The following DNAH12 variants were observed in gnomAD, a reference collection of about 807,000 sequenced individuals.
The protein encoded by DNAH12 is dynein axonemal heavy chain 12.
Under a neutral mutation model 371.5 loss-of-function variants are expected in DNAH12, and 285 were observed. The ratio of observed to expected loss-of-function variants is 0.77; its 90% CI spans 0.70 to 0.85. DNAH12 has a LOEUF of 0.85. Ranked by LOEUF, DNAH12 falls within the 40% of genes least tolerant of loss-of-function variation. The probability of loss-of-function intolerance (pLI) is 0.00; values close to 1 mark genes in which losing one functional copy is unlikely to be tolerated. For synonymous variants in DNAH12, 1,200 were observed against 1,213.0 expected, an observed-to-expected ratio of 0.99 and a Z score of 0.22; for missense variants, 3,611 against 3,689.4, an observed-to-expected ratio of 0.98 and a Z score of 0.55.
chr3:57,369,714 A>G (rs1398365339), intron 55 of DNAH12, among the ~76,000 whole-genome samples: 2 of 152,186 alleles, frequency 1.3e-5, no homozygotes, highest in Non-Finnish European at 2.9e-5. Context: ...AAATGCTTTT[A>G]GTACCTTTCA....
At chr3:57,371,346 G>T (rs1173867660) in intron 55 of DNAH12, among the ~76,000 whole-genome samples, 4 of 151,952 alleles carry the variant, frequency 2.6e-5, no homozygotes, top group Non-Finnish European at 5.9e-5. Flanking sequence ...TATACTCACA[G>T]TATTCATTTC....
chr3:57,404,664 G>A (rs9820030), intron 42 of DNAH12, among the ~76,000 whole-genome samples: 47,957 of 151,852 alleles, frequency 0.32, 8,306 homozygotes, highest in South Asian at 0.43. Flanking sequence ...AGGTTGCAGC[G>A]AGCTGAGATA....
intron 25 of DNAH12, among the ~76,000 whole-genome samples, chr3:57,448,984 C>T (rs1422877582): frequency 1.7e-5 from 2 of 116,068 alleles, no homozygotes; most frequent in Non-Finnish European, 3.6e-5. Flanking sequence ...CCCACCAGAG[C>T]AGCTAGATAC....
intron 57 of DNAH12, among the ~76,000 whole-genome samples, chr3:57,365,640 A>T (rs1398564975): frequency 3.9e-5 from 6 of 152,190 alleles, no homozygotes; most frequent in Non-Finnish European, 8.8e-5. Flanking sequence ...TATAAAGTAT[A>T]AAGAAAACAA....
intron 62 of DNAH12, among the ~76,000 whole-genome samples, chr3:57,333,177 G>GT (rs2062142564): frequency 6.6e-6 from 1 of 151,868 alleles, no homozygotes; most frequent in Non-Finnish European, 1.5e-5. Flanking sequence ...TTGGCTCACT[G>GT]CAACCTCTGC....
chr3:57,463,514 T>C (rs978569011), intron 17 of DNAH12, among the ~76,000 whole-genome samples: 1 of 152,088 alleles, frequency 6.6e-6, no homozygotes. Context: ...TTTATTTTTA[T>C]ATGAGTCATG....
Position 57,457,906 on chromosome 3 carries a change from T to C in DNAH12, c.3151A>G (p.Ile1051Val). The C allele has an allele frequency of 6.4e-7, 1 of 1,551,660 alleles. No individual in the cohort carries two copies. The highest frequency in any genetic ancestry group is 8.7e-7 in the Non-Finnish European group (1 of 1,146,968). ...QPHLKKCFEG[I>V]AKLEFLPNLD... Reference sequence around the variant, plus strand: ...TTGGGAAGGAACTCTAATTTAGCAATGCCCTCAAAGCATTTTTTTAAATGT... The same window carrying C: ...TTGGGAAGGAACTCTAATTTAGCAACGCCCTCAAAGCATTTTTTTAAATGT... The change falls in exon 22 of 74, where the codon ATT (isoleucine) becomes GTT (valine). Residue 1051 changes from isoleucine to valine, a missense_variant. Around this residue, in one of 3 missense-constraint regions of DNAH12, gnomAD observed 1,314 missense variants for 1,398.7 expected, o/e 0.94. Coordinates refer to ENST00000495027, the MANE Select transcript of DNAH12 (RefSeq NM_001366028.2).
In DNAH12 at chr3:57,446,215, C is replaced by T; in HGVS notation, c.3995G>A (p.Arg1332Gln). 6.4e-7 allele frequency: 1 copy of T among 1,551,766 alleles called. No individual in the cohort carries two copies. Among genetic ancestry groups the T allele is most frequent in the Non-Finnish European group, 8.7e-7 (1 of 1,147,016 alleles). ...GAWACFDEFNRIELEVLSVVA... is the reference protein window; with the variant it reads ...GAWACFDEFNQIELEVLSVVA... Reference sequence around the variant, plus strand: ...CACTGACAACACTTCCAACTCAATTCGATTGAATTCATCAAAGCAAGCCCA... The same window carrying T: ...CACTGACAACACTTCCAACTCAATTTGATTGAATTCATCAAAGCAAGCCCA... The change falls in exon 27 of 74, where the codon CGA becomes CAA. Residue 1332 changes from arginine to glutamine, a missense_variant. Physicochemically the swap from Arg to Gln is conservative, Grantham distance 43 (BLOSUM62 1). Coordinates refer to ENST00000495027, the MANE Select transcript of DNAH12 (RefSeq NM_001366028.2).
intron 33 of DNAH12, 99 bp from the exon 34 acceptor site, chr3:57,428,920 A>G (rs2064868026): frequency 8.2e-6 from 10 of 1,225,618 alleles, no homozygotes; most frequent in Non-Finnish European, 1.1e-6. Flanking sequence ...ATCCTTTATA[A>G]TCTAGCTCCC....
chr3:57,454,951 A>G, intron 22 of DNAH12, 57 bp from the exon 23 acceptor site: 1 of 1,514,012 alleles, frequency 6.6e-7, no homozygotes, highest in Non-Finnish European at 8.9e-7. Flanking sequence ...AAAATAGCTA[A>G]ATGTCTAACA....
At chr3:57,355,166 T>A (rs2062769479) in intron 59 of DNAH12, among the ~76,000 whole-genome samples, 1 of 151,914 alleles carries the variant, frequency 6.6e-6, no homozygotes. Context: ...TTCTCATAAT[T>A]GCATGTGAAT....
intron 69 of DNAH12, among the ~76,000 whole-genome samples, chr3:57,304,660 C>G (rs1192348116): frequency 6.6e-6 from 1 of 152,174 alleles, no homozygotes; most frequent in Non-Finnish European, 1.5e-5. Context: ...ATTATTCACC[C>G]ACGTTTCAGA....
intron 11 of DNAH12, among the ~76,000 whole-genome samples, chr3:57,495,910 T>C (rs1173003720): frequency 5.7e-5 from 8 of 141,412 alleles, no homozygotes; most frequent in Admixed American, 5.6e-4. Flanking sequence ...ATTTTATAAA[T>C]ATATTTCTAT....
At chr3:57,404,862 C>CA (rs2063977429) in intron 42 of DNAH12, 107 bp downstream of exon 42, 3 of 1,034,156 alleles carry the variant, frequency 2.9e-6, no homozygotes, top group East Asian at 3.1e-5. Context: ...ATAATGGGTA[C>CA]AAAGTCATTC....
upstream of DNAH12, chr3:57,548,999 C>T (rs573195737): frequency 6.6e-6 from 1 of 152,090 alleles, no homozygotes; most frequent in African/African-American, 2.4e-5. Context: ...AGAGAGAAGA[C>T]TCAGTTTTCC....
chr3:57,428,677 A>C lies in DNAH12; in HGVS notation c.5209T>G (p.Trp1737Gly), dbSNP rs2064859111. 6.5e-7 allele frequency: 1 copy of C among 1,549,068 alleles called. No individual in the cohort carries two copies. Among genetic ancestry groups the C allele is most frequent in the South Asian group, 1.2e-5 (1 of 83,284 alleles). The change falls in exon 34 of 74, where the codon TGG becomes GGG. Residue 1737 changes from tryptophan to glycine, a missense_variant. This residue lies in a region of DNAH12 where 2,266 missense variants were observed against 2,236.9 expected (regional missense o/e 1.01). Coordinates refer to ENST00000495027, the MANE Select transcript of DNAH12 (RefSeq NM_001366028.2). ...TGGTTTAAAGAGGGTGGTATTAACC[A>C]GGCAAAAAGTCCTCTCAGAAGAGCT... is the stretch of plus-strand genomic sequence containing the variant. ...YQALLRGLFA[W>G]LIPPSLNQRK...
chr3:57,309,388 G>A, intron 68 of DNAH12, 134 bp from the exon 69 acceptor site: 1 of 758,154 alleles, frequency 1.3e-6, no homozygotes, highest in Non-Finnish European at 2.0e-6. Flanking sequence ...ATGTATATAA[G>A]TCCTATGTAC....
chr3:57,546,241 C>T (rs770809130), upstream of DNAH12, among the ~76,000 whole-genome samples: 5 of 152,150 alleles, frequency 3.3e-5, no homozygotes, highest in South Asian at 1.0e-3. Flanking sequence ...TTCAGGTCCC[C>T]CTCTCTGCTG....
At position 57,322,422 on chromosome 3, in the gene DNAH12, C is replaced by T. The variant is rs770053592; in HGVS notation, c.10445G>A (p.Arg3482Gln). 3.2e-5 allele frequency: 49 copies of T among 1,551,992 alleles called. No individual in the cohort carries two copies. Among genetic ancestry groups the T allele is most frequent in the Admixed American group, 3.9e-5 (2 of 50,964 alleles). ...KMTNEPPTGL[R>Q]LNLLQSYLTD... ...GAGATATGATTGAAGGAGATTCAGC[C>T]GAAGACCCGTGGGAGGTTCATTAGT... Residue 3482 changes from arginine to glutamine, a missense_variant, in exon 65 of 74, where the codon CGG becomes CAG. Arg to Gln is a conservative substitution (Grantham distance 43). Around this residue, in one of 3 missense-constraint regions of DNAH12, gnomAD observed 2,266 missense variants for 2,236.9 expected, o/e 1.01. Transcript: ENST00000495027.
Sources: allele counts gnomAD v4.1 joint callset (sites outside exome capture counted in the v4.1 genomes callset), GRCh38; gene constraint gnomAD v4.1.1; regional missense constraint gnomAD v4.1.1; transcripts MANE v1.5; gene names NCBI Gene and HGNC (gene_info 2026-07-23, HGNC 2026-07-21).